The following INSL6 variants were observed in gnomAD, a reference collection of about 807,000 sequenced individuals.
INSL6 encodes the protein insulin like 6.
INSL6 carries 16 observed loss-of-function variants against 9.4 expected under a neutral mutation model. That is an observed-to-expected ratio of 1.70 (90% CI 1.15 to 2.59). The LOEUF (loss-of-function observed/expected upper bound fraction) is 2.59, where lower values mean the gene tolerates loss of function less well. INSL6 is among the 30% of genes most tolerant of loss of function. The pLI is 0.00. For synonymous variants in INSL6, 154 were observed against 96.9 expected (o/e 1.59, Z -3.46); for missense variants, 391 against 257.3 (o/e 1.52, Z -3.56).
chr9:5,109,005 A>G, the INSL6 span: 1 of 152,108 alleles, frequency 6.6e-6, no homozygotes, highest in African/African-American at 2.4e-5. Flanking sequence ...GACTTCTAGC[A>G]AATCTCACTA....
chr9:5,144,298 G>A (rs377347738), intron 2 of INSL6, among the ~76,000 whole-genome samples: 1 of 152,276 alleles, frequency 6.6e-6, no homozygotes, highest in South Asian at 2.1e-4. Context: ...CAATTTCCAT[G>A]TAATTGTATG....
rs75238926 is a variant in INSL6 at position 5,163,897 on chromosome 9, A to G, written c.*16T>C. ...TGTATTAAGCTTTTATTAGGTTAGA[A>G]AAAATTCTAAGATGGTTAGTATATC... is the stretch of plus-strand genomic sequence containing the variant. On this transcript the variant is annotated 3_prime_UTR_variant, in exon 2 of 2. Transcript: ENST00000381641. 2,579 of 1,523,460 alleles carry G rather than the reference A, an allele frequency of 1.7e-3. 38 individuals are homozygous for G. The African/African-American group carries it at 0.03, about 18-fold the overall frequency. 94.4% of individuals were successfully genotyped at this position (1,523,460 alleles called of 1,614,324 possible).
chr9:5,141,027 C>G (rs1824486041), intron 2 of INSL6, among the ~76,000 whole-genome samples: 2 of 152,116 alleles, frequency 1.3e-5, no homozygotes. Context: ...CATGTCCCTG[C>G]AAAGGACATG....
chr9:5,171,992 G>C lies in INSL6; in HGVS notation c.290-7727C>G, dbSNP rs112862745. On this transcript the variant is annotated intron_variant, in intron 1 of 1. Transcript: ENST00000381641. ...AGAACTAGAAGAAACTATTTAAAAA[G>C]TCGTATGGAACCAAAAGAGCTCAAA... Among the ~76,000 whole-genome samples, 302 of 152,198 alleles carry C rather than the reference G, an allele frequency of 2.0e-3. 1 individual carries two copies. Among genetic ancestry groups the C allele is most frequent in the African/African-American group, 6.7e-3 (279 of 41,548 alleles).
chr9:5,020,897 G>C, the INSL6 span, among the ~76,000 whole-genome samples: 2 of 152,076 alleles, frequency 1.3e-5, no homozygotes, highest in Non-Finnish European at 2.9e-5. Context: ...GTGTGGGTTG[G>C]GCTTTAAAAA....
chr9:5,164,806 T>C (rs889367105), intron 1 of INSL6, among the ~76,000 whole-genome samples: 1 of 152,258 alleles, frequency 6.6e-6, no homozygotes, highest in Non-Finnish European at 1.5e-5. Flanking sequence ...TTGTAGCATG[T>C]ATCTTTTTAT....
At chr9:5,028,178 T>A in the INSL6 span, among the ~76,000 whole-genome samples, 2 of 152,224 alleles carry the variant, frequency 1.3e-5, no homozygotes, top group Non-Finnish European at 2.9e-5. Context: ...TCCTTATCCA[T>A]GGGCTGCAGA....
chr9:5,071,761 G>A, the INSL6 span, among the ~76,000 whole-genome samples: 4 of 152,286 alleles, frequency 2.6e-5, no homozygotes, highest in South Asian at 8.3e-4. Flanking sequence ...ATCTTCATGT[G>A]AGTAACAGGA....
At chr9:5,087,335 G>A in the INSL6 span, among the ~76,000 whole-genome samples, 1 of 152,164 alleles carries the variant, frequency 6.6e-6, no homozygotes, top group Non-Finnish European at 1.5e-5. Context: ...GATCTCATGA[G>A]AACTATCACG....
the INSL6 span, chr9:5,112,892 T>G: frequency 2.8e-6 from 1 of 361,994 alleles, no homozygotes; most frequent in Non-Finnish European, 4.7e-6. Flanking sequence ...CTCAGCCCCG[T>G]GGGCTGGGCC....
chr9:5,126,692 G>C, intron 3 of INSL6: 1 of 1,606,986 alleles, frequency 6.2e-7, no homozygotes, highest in Non-Finnish European at 8.5e-7. Context: ...AGATCTATAT[G>C]ATCATGACAG....
chr9:5,171,871 G>C (rs1485708358), intron 1 of INSL6, among the ~76,000 whole-genome samples: 2 of 152,168 alleles, frequency 1.3e-5, no homozygotes, highest in Non-Finnish European at 2.9e-5. Context: ...CATGTTCATG[G>C]ATAGGAAGAA....
chr9:5,041,380 G>A, the INSL6 span: 1 of 624,502 alleles, frequency 1.6e-6, no homozygotes, highest in South Asian at 1.7e-5. Flanking sequence ...ACCTGGGCAA[G>A]GAGCAGAGCC....
the INSL6 span, among the ~76,000 whole-genome samples, chr9:5,013,037 A>G: frequency 6.6e-6 from 1 of 152,244 alleles, no homozygotes; most frequent in East Asian, 1.9e-4. Flanking sequence ...AACTATCAGT[A>G]CATATTGATG....
At chr9:5,025,538 CT>C in the INSL6 span, among the ~76,000 whole-genome samples, 91 of 140,282 alleles carry the variant, frequency 6.5e-4, no homozygotes, top group Non-Finnish European at 7.7e-4. Flanking sequence ...AGTTTGTTTC[CT>C]TTTTTTTTTT....
chr9:5,013,817 A>G, the INSL6 span, among the ~76,000 whole-genome samples: 1 of 152,194 alleles, frequency 6.6e-6, no homozygotes, highest in Non-Finnish European at 1.5e-5. Context: ...GTAATTTACT[A>G]TAAATCATAG....
At chr9:5,078,318 C>G in the INSL6 span, 6 of 1,611,722 alleles carry the variant, frequency 3.7e-6, no homozygotes, top group Middle Eastern at 1.7e-4. Flanking sequence ...AGAAAACACC[C>G]TTATTCATGG....
the INSL6 span, among the ~76,000 whole-genome samples, chr9:5,011,268 C>T: frequency 6.6e-6 from 1 of 152,108 alleles, no homozygotes; most frequent in African/African-American, 2.4e-5. Flanking sequence ...TTTCTGCAGC[C>T]TCAAACTCCT....
chr9:5,080,661 T>C, the INSL6 span: 2 of 1,590,592 alleles, frequency 1.3e-6, no homozygotes, highest in Non-Finnish European at 1.7e-6. Context: ...TCATACGAGA[T>C]CTTAACAGTT....
Sources: allele counts gnomAD v4.1 joint callset (sites outside exome capture counted in the v4.1 genomes callset), GRCh38; gene constraint gnomAD v4.1.1; transcripts MANE v1.5; gene names NCBI Gene and HGNC (gene_info 2026-07-23, HGNC 2026-07-21).